Variants in ADAMTS9 observed in about 807,000 individuals in gnomAD.
The protein encoded by ADAMTS9 is ADAM metallopeptidase with thrombospondin type 1 motif 9, also known as A disintegrin and metalloproteinase with thrombospondin motifs 9.
In ADAMTS9, 107 loss-of-function variants were observed where a neutral mutation model predicts 257.1. The observed-to-expected ratio is 0.42, with a 90% CI of 0.36 to 0.49. The LOEUF is 0.49. Among genes scored for constraint, ADAMTS9 ranks in the 20% least tolerant of loss-of-function variants. The pLI is 0.03. For missense variants in ADAMTS9, 2,353 were observed against 2,469.1 expected, an observed-to-expected ratio of 0.95 and a Z score of 1.00; for synonymous variants, 982 against 880.9, an observed-to-expected ratio of 1.11 and a Z score of -2.03.
chr3:64,524,916 T>A (rs2082891525), intron 38 of ADAMTS9, among the ~76,000 whole-genome samples: 1 of 152,082 alleles, frequency 6.6e-6, no homozygotes, highest in Admixed American at 6.6e-5. Context: ...CTGATTGGAG[T>A]TCTCCTCTCT....
At chr3:64,530,240 A>G (rs929255777) in intron 38 of ADAMTS9, among the ~76,000 whole-genome samples, 3 of 152,090 alleles carry the variant, frequency 2.0e-5, no homozygotes, top group Non-Finnish European at 4.4e-5. Flanking sequence ...TGTATAATTT[A>G]GTCCCACCTC....
intron 37 of ADAMTS9, among the ~76,000 whole-genome samples, chr3:64,533,569 C>T (rs1222667499): frequency 6.6e-6 from 1 of 152,236 alleles, no homozygotes; most frequent in Non-Finnish European, 1.5e-5. Flanking sequence ...AACTCACATC[C>T]TCCTGACTTC....
intron 38 of ADAMTS9, 41 bp downstream of exon 38, chr3:64,533,125 G>A: frequency 6.5e-7 from 1 of 1,538,350 alleles, no homozygotes; most frequent in Non-Finnish European, 9.0e-7. Flanking sequence ...ACGAAAGAAA[G>A]AAATAAAAAT....
At chr3:64,670,788 T>C (rs897490079) in intron 3 of ADAMTS9, among the ~76,000 whole-genome samples, 1 of 152,232 alleles carries the variant, frequency 6.6e-6, no homozygotes, top group African/African-American at 2.4e-5. Context: ...CATTAGACTT[T>C]AGGTAAATGC....
At chr3:64,534,813 C>A (rs2371527) in intron 37 of ADAMTS9, among the ~76,000 whole-genome samples, 3 of 151,960 alleles carry the variant, frequency 2.0e-5, no homozygotes, top group South Asian at 4.2e-4. Context: ...TGGCATCTGG[C>A]GGGTAGAGAC....
intron 37 of ADAMTS9, among the ~76,000 whole-genome samples, chr3:64,534,028 T>A (rs2083016257): frequency 7.9e-5 from 12 of 152,238 alleles, no homozygotes; most frequent in Admixed American, 7.9e-4. Flanking sequence ...CGCAAAGGCA[T>A]CTGAAATACT....
At chr3:64,623,142 C>T (rs1443828521) in intron 16 of ADAMTS9, among the ~76,000 whole-genome samples, 1 of 152,070 alleles carries the variant, frequency 6.6e-6, no homozygotes, top group African/African-American at 2.4e-5. Context: ...TCAAATATGG[C>T]CCCAACGAGC....
chr3:64,655,569 C>T lies in ADAMTS9; in HGVS notation c.1169+7G>A. 1 of 1,604,408 alleles carries T rather than the reference C, an allele frequency of 6.2e-7. No homozygotes were observed. The highest frequency in any genetic ancestry group is 8.5e-7 in the Non-Finnish European group (1 of 1,171,344). ...TGAAAGATCTGAGGAATAAGAAATC[C>T]ATATACCTTGTTAAGAGAACAGCAG... On this transcript the variant is annotated splice_region_variant and intron_variant, in intron 6 of 39. Coordinates refer to ENST00000498707, the MANE Select transcript of ADAMTS9 (RefSeq NM_182920.2).
At chr3:64,626,349 C>A (rs1296042871) in intron 16 of ADAMTS9, among the ~76,000 whole-genome samples, 1 of 152,152 alleles carries the variant, frequency 6.6e-6, no homozygotes, top group Admixed American at 6.5e-5. Context: ...AGGGGGTCAA[C>A]AAACGTTTGT....
chr3:64,551,490 T>G (rs1162559864), intron 30 of ADAMTS9, among the ~76,000 whole-genome samples: 1 of 152,188 alleles, frequency 6.6e-6, no homozygotes, highest in East Asian at 1.9e-4. Context: ...ATTACAGGCG[T>G]GAGCCACCAC....
At chr3:64,556,734 C>CTTCCTTCCTTCG (rs2083340508) in intron 30 of ADAMTS9, among the ~76,000 whole-genome samples, 1 of 150,284 alleles carries the variant, frequency 6.7e-6, no homozygotes, top group Non-Finnish European at 1.5e-5. Context: ...TCCTTCCTTC[C>CTTCCTTCCTTCG]TTCCTTCCTT....
At chr3:64,635,507 A>G (rs1700474515) in intron 12 of ADAMTS9, among the ~76,000 whole-genome samples, 1 of 152,222 alleles carries the variant, frequency 6.6e-6, no homozygotes, top group African/African-American at 2.4e-5. Flanking sequence ...CTGTTTCTGC[A>G]TTAAGCACAA....
At chr3:64,580,024 A>G (rs2083955016) in intron 28 of ADAMTS9, among the ~76,000 whole-genome samples, 1 of 152,154 alleles carries the variant, frequency 6.6e-6, no homozygotes, top group Non-Finnish European at 1.5e-5. Flanking sequence ...TGATCCCACC[A>G]CATACCCTGC....
intron 8 of ADAMTS9, among the ~76,000 whole-genome samples, chr3:64,653,546 A>G (rs1308428053): frequency 6.6e-6 from 1 of 152,198 alleles, no homozygotes; most frequent in Non-Finnish European, 1.5e-5. Flanking sequence ...CCTTAAATGT[A>G]TGAATGAAAA....
chr3:64,639,872 G>A (rs1397554147), intron 12 of ADAMTS9, among the ~76,000 whole-genome samples: 1 of 152,030 alleles, frequency 6.6e-6, no homozygotes, highest in Non-Finnish European at 1.5e-5. Flanking sequence ...ATATTATGTG[G>A]TACTTATTTC....
intron 6 of ADAMTS9, among the ~76,000 whole-genome samples, chr3:64,655,092 G>C (rs1221979513): frequency 6.6e-6 from 1 of 152,188 alleles, no homozygotes; most frequent in Non-Finnish European, 1.5e-5. Context: ...TAGAAAACTT[G>C]GGAGGTTTCA....
rs565683260 is a variant in ADAMTS9 at position 64,653,151 on chromosome 3, C to T, written c.1316+1202G>A. On this transcript the variant is annotated intron_variant, in intron 8 of 39. Coordinates refer to ENST00000498707, the MANE Select transcript of ADAMTS9 (RefSeq NM_182920.2). ...CTGTACTGTTATTATCTGCATTTTG[C>T]AGATGAGAAAACTGAGCCACAGAGA... 1.4e-4 allele frequency among the ~76,000 whole-genome samples: 22 copies of T among 152,282 alleles called. No homozygotes were observed. In the South Asian group the frequency reaches 4.6e-3, roughly 32 times the overall value.
chr3:64,518,713 T>G (rs2082812357), intron 39 of ADAMTS9, among the ~76,000 whole-genome samples: 1 of 151,938 alleles, frequency 6.6e-6, no homozygotes, highest in African/African-American at 2.4e-5. Flanking sequence ...AGCACTGGCT[T>G]TAGTGTAGGA....
chr3:64,519,695 C>A (rs1326467569), intron 39 of ADAMTS9, among the ~76,000 whole-genome samples: 1 of 152,014 alleles, frequency 6.6e-6, no homozygotes, highest in African/African-American at 2.4e-5. Context: ...AAAACAAAAA[C>A]AATATGACCA....
Sources: gnomAD v4.1 joint callset for allele counts (sites outside exome capture counted in the v4.1 genomes callset) on GRCh38, gnomAD v4.1.1 for gene constraint, MANE v1.5 for transcripts, NCBI Gene and HGNC (gene_info 2026-07-23, HGNC 2026-07-21) for gene names.